Variants in KIF21A observed in about 807,000 individuals in gnomAD.
KIF21A encodes the protein kinesin family member 21A.
A neutral mutation model predicts 202.9 loss-of-function variants in KIF21A; 114 were observed. The ratio of observed to expected loss-of-function variants is 0.56; its 90% CI spans 0.48 to 0.66. KIF21A has a LOEUF of 0.66. Among genes scored for constraint, KIF21A ranks in the 30% least tolerant of loss-of-function variants. KIF21A has a pLI of 0.00. For missense variants in KIF21A, 1,677 were observed against 1,994.9 expected (o/e 0.84, Z 3.04); for synonymous variants, 667 against 670.8 (o/e 0.99, Z 0.09).
intron 6 of KIF21A, among the ~76,000 whole-genome samples, chr12:39,364,919 T>C (rs753367808): frequency 2.0e-5 from 3 of 152,056 alleles, no homozygotes; most frequent in Non-Finnish European, 4.4e-5. Context: ...GATTTAAGAG[T>C]CATGCAGCTA....
intron 1 of KIF21A, among the ~76,000 whole-genome samples, chr12:39,438,271 G>A (rs1939095743): frequency 6.6e-6 from 1 of 152,136 alleles, no homozygotes; most frequent in African/African-American, 2.4e-5. Flanking sequence ...GATACCTAAA[G>A]AAATTATATT....
intron 1 of KIF21A, among the ~76,000 whole-genome samples, chr12:39,390,339 A>G (rs1337195914): frequency 6.6e-6 from 1 of 152,204 alleles, no homozygotes; most frequent in Non-Finnish European, 1.5e-5. Context: ...ATGGAAGGAG[A>G]AAATTCTGGT....
chr12:39,295,778 C>T (rs1424556305), intron 37 of KIF21A, among the ~76,000 whole-genome samples: 1 of 140,800 alleles, frequency 7.1e-6, no homozygotes, highest in East Asian at 2.2e-4. Context: ...GGCTCCTCTG[C>T]GCAAACTCTG....
intron 33 of KIF21A, among the ~76,000 whole-genome samples, chr12:39,308,102 C>T (rs991790564): frequency 2.6e-5 from 4 of 151,928 alleles, no homozygotes; most frequent in Non-Finnish European, 5.9e-5. Context: ...GGTGTAGTGG[C>T]TCACTCCTGT....
chr12:39,409,566 G>A lies in KIF21A; in HGVS notation c.44+33361C>T, dbSNP rs144474792. Among the ~76,000 whole-genome samples, 97 of 151,010 alleles carry A rather than the reference G, an allele frequency of 6.4e-4. 2 individuals carry two copies. In the East Asian group the frequency reaches 0.016, roughly 25 times the overall value. On this transcript the variant is annotated intron_variant, in intron 1 of 37. Transcript: ENST00000361418. ...AGTAGTATTAAATATTACCAAAGAT[G>A]GAGAGGAATATTTCATAATGATAAC... is the stretch of plus-strand genomic sequence containing the variant.
rs770949743 is a variant in KIF21A at position 39,294,437 on chromosome 12, A to C, written c.5012T>G (p.Ile1671Ser). 10 of 1,612,070 alleles carry C rather than the reference A, an allele frequency of 6.2e-6. No homozygotes were observed. In the East Asian group the frequency reaches 2.0e-4, roughly 32 times the overall value. ...CTTCATTCATGTTTAATTACTGGCAATATCTTCCCCCAGATCTCCTGTGTC... is the reference window on the plus strand; with the variant it reads ...CTTCATTCATGTTTAATTACTGGCACTATCTTCCCCCAGATCTCCTGTGTC... ...ISDTGDLGED[I>S]ASN Residue 1671 changes from isoleucine (I) to serine (S), a missense_variant, in exon 38 of 38, where the codon ATT (isoleucine) becomes AGT (serine). This residue lies in a region of KIF21A where 705 missense variants were observed against 791.9 expected (regional missense o/e 0.89). Coordinates refer to ENST00000361418, the MANE Select transcript of KIF21A (RefSeq NM_001173464.2).
At position 39,358,344 on chromosome 12, in the gene KIF21A, G is replaced by A; in HGVS notation, c.1049C>T (p.Pro350Leu). ...CGTTTCCATAAAGTCTCTGTCTGAA[G>A]GGCTGACACATGCTATCATGATTGT... ...SQTIMIACVS[P>L]SDRDFMETLN... The change falls in exon 8 of 38, where the codon CCT (proline) becomes CTT (leucine). Residue 350 changes from proline (P) to leucine (L), a missense_variant. Pro to Leu is a moderately conservative substitution (Grantham distance 98). This residue lies in a region of KIF21A where 966 missense variants were observed against 1,180.9 expected (regional missense o/e 0.82). Transcript: ENST00000361418. 6.2e-7 allele frequency: 1 copy of A among 1,614,040 alleles called. No individual in the cohort carries two copies. The highest frequency in any genetic ancestry group is 8.5e-7 in the Non-Finnish European group (1 of 1,179,962).
chr12:39,434,188 C>T (rs1032254066), intron 1 of KIF21A, among the ~76,000 whole-genome samples: 6 of 152,292 alleles, frequency 3.9e-5, no homozygotes, highest in African/African-American at 1.4e-4. Flanking sequence ...TTCTTGCTGC[C>T]TCATCCTAAG....
intron 37 of KIF21A, among the ~76,000 whole-genome samples, chr12:39,296,253 T>C (rs1163459779): frequency 6.6e-6 from 1 of 150,916 alleles, no homozygotes; most frequent in Non-Finnish European, 1.5e-5. Flanking sequence ...GTATTTTTAG[T>C]AGGGACAGGG....
In KIF21A at chr12:39,333,230, T is replaced by C; in HGVS notation, c.2469A>G (p.Leu823=). The C allele has an allele frequency of 1.2e-6, 2 of 1,613,902 alleles. No individual in the cohort carries two copies. The highest frequency in any genetic ancestry group is 1.7e-6 in the Non-Finnish European group (2 of 1,179,726). Residue 823 remains leucine (L), a synonymous_variant, in exon 18 of 38, where the codon CTA becomes CTG. Coordinates refer to ENST00000361418, the MANE Select transcript of KIF21A (RefSeq NM_001173464.2). ...ACTGTACCTCTTCAGTTTTGCGACG[T>C]AGAACCACTTCTTGGTTTCTTTTTT... ...EAQKRNQEVV[L]RRKTEEVTAL... is the part of the protein sequence containing the mutation.
chr12:39,389,119 C>T, intron 1 of KIF21A, among the ~76,000 whole-genome samples: 1 of 151,736 alleles, frequency 6.6e-6, no homozygotes, highest in East Asian at 1.9e-4. Context: ...GTCTGTCATA[C>T]AGTGTAATAT....
chr12:39,427,217 T>G (rs1954835302), intron 1 of KIF21A, among the ~76,000 whole-genome samples: 1 of 152,188 alleles, frequency 6.6e-6, no homozygotes, highest in Non-Finnish European at 1.5e-5. Context: ...CTGAAATAAA[T>G]TGGAATGGTC....
chr12:39,356,599 G>T, intron 10 of KIF21A: 1 of 375,504 alleles, frequency 2.7e-6, no homozygotes, highest in Non-Finnish European at 4.8e-6. Flanking sequence ...CCCAATATTG[G>T]GACATAGCAG....
At chr12:39,386,278 C>T (rs925457925) in intron 1 of KIF21A, among the ~76,000 whole-genome samples, 7 of 152,146 alleles carry the variant, frequency 4.6e-5, no homozygotes, top group Middle Eastern at 3.4e-3. Flanking sequence ...GAATGCAGAG[C>T]GGTCAGGGTG....
Position 39,297,860 on chromosome 12 carries a change from C to CAAT in KIF21A, c.4932-3346_4932-3344dup, listed in dbSNP as rs1484817896. ...TTTGTCATTATTGCCTGGGAGCAGG[C>CAAT]AATAATAATAATTATTATTATTATT... On this transcript the variant is annotated intron_variant, in intron 37 of 37. Transcript: ENST00000361418. Among the ~76,000 whole-genome samples, 9 of 139,990 alleles carry CAAT rather than the reference C, an allele frequency of 6.4e-5. 1 individual carries two copies. In the Admixed American group the frequency reaches 6.5e-4, roughly 10 times the overall value. 91.8% of individuals were successfully genotyped at this position (139,990 alleles called of 152,430 possible).
chr12:39,439,828 CT>C (rs1939318719), intron 1 of KIF21A, among the ~76,000 whole-genome samples: 2 of 152,144 alleles, frequency 1.3e-5, no homozygotes, highest in African/African-American at 4.8e-5. Context: ...GAGAATCTTT[CT>C]GTTTAACATC....
At chr12:39,307,850 A>AT in intron 33 of KIF21A, 121 bp from the exon 34 acceptor site, 1 of 760,378 alleles carries the variant, frequency 1.3e-6, no homozygotes, top group South Asian at 1.5e-5. Flanking sequence ...TTTTGTCACT[A>AT]TATGTATACT....
Position 39,323,622 on chromosome 12 carries a change from C to T in KIF21A, c.3457-740G>A, listed in dbSNP as rs540065643. Among the ~76,000 whole-genome samples the T allele has an allele frequency of 6.3e-4, 96 of 152,216 alleles. 1 individual carries two copies. Among genetic ancestry groups the T allele is most frequent in the African/African-American group, 2.1e-3 (88 of 41,518 alleles). On this transcript the variant is annotated intron_variant, in intron 26 of 37. Transcript: ENST00000361418. ...TACTCTTGACAACCAAGTGACTATC[C>T]GGTTATTGCTCAGTTAGTTGTTGAT...
Position 39,340,948 on chromosome 12 carries a change from G to C in KIF21A, c.2068C>G (p.Arg690Gly). 1 of 1,613,020 alleles carries C rather than the reference G, an allele frequency of 6.2e-7. No homozygotes were observed. Among genetic ancestry groups the C allele is most frequent in the Non-Finnish European group, 8.5e-7 (1 of 1,179,446 alleles). ...TGGTCTCTTTCAAGCTGAGTATCCCGAATTTTATGTTGCAGCATCATTAGC... is the reference window on the plus strand; with the variant it reads ...TGGTCTCTTTCAAGCTGAGTATCCCCAATTTTATGTTGCAGCATCATTAGC... ...EKLMMLQHKIRDTQLERDQVL... is the reference protein window; with the variant it reads ...EKLMMLQHKIGDTQLERDQVL... Residue 690 changes from arginine to glycine, a missense_variant, in exon 15 of 38, where the codon CGG becomes GGG. By Grantham distance (125) the Arg-to-Gly change is moderately radical (BLOSUM62 -2). This residue lies in a region of KIF21A where 966 missense variants were observed against 1,180.9 expected (regional missense o/e 0.82). Coordinates refer to ENST00000361418, the MANE Select transcript of KIF21A (RefSeq NM_001173464.2).
Sources: allele counts gnomAD v4.1 joint callset (sites outside exome capture counted in the v4.1 genomes callset), GRCh38; gene constraint gnomAD v4.1.1; regional missense constraint gnomAD v4.1.1; transcripts MANE v1.5; gene names NCBI Gene and HGNC (gene_info 2026-07-23, HGNC 2026-07-21).